PDE4B: variants seen among roughly 807,000 people sequenced by gnomAD.
PDE4B encodes phosphodiesterase 4B, also known as 3',5'-cyclic-AMP phosphodiesterase 4B.
In PDE4B, 20 loss-of-function variants were observed where a neutral mutation model predicts 82.2. That is an observed-to-expected ratio of 0.24 (90% CI 0.17 to 0.35). PDE4B has a LOEUF of 0.35. Among genes scored for constraint, PDE4B ranks in the 10% least tolerant of loss-of-function variants. PDE4B has a pLI of 1.00. For synonymous variants in PDE4B, 320 were observed against 318.9 expected, an observed-to-expected ratio of 1.00 and a Z score of -0.04; for missense variants, 655 against 907.2, an observed-to-expected ratio of 0.72 and a Z score of 3.57.
At chr1:65,944,858 C>T (rs11208775) in intron 3 of PDE4B, among the ~76,000 whole-genome samples, 61,677 of 151,718 alleles carry the variant, frequency 0.41, 14,606 homozygotes, top group Non-Finnish European at 0.54. Context: ...GCATTCCTAC[C>T]AGAGAACATG....
rs893456592 is a variant in PDE4B at position 66,102,309 on chromosome 1, G to A, written c.282-145151G>A. Among the ~76,000 whole-genome samples the A allele has an allele frequency of 5.3e-5, 8 of 151,980 alleles. No individual in the cohort carries two copies. In the East Asian group the frequency reaches 5.8e-4, roughly 11 times the overall value. On this transcript the variant is annotated intron_variant, in intron 3 of 16. Coordinates refer to ENST00000341517, the MANE Select transcript of PDE4B (RefSeq NM_002600.4). ...TATGGAATTTCATCATCGTGTTTTC[G>A]GGGAGAATGGATGTGTATACCTAAA...
intron 1 of PDE4B, among the ~76,000 whole-genome samples, chr1:65,903,662 T>TA (rs1180848601): frequency 1.3e-5 from 2 of 152,204 alleles, no homozygotes; most frequent in Non-Finnish European, 2.9e-5. Context: ...TAAAGACCAA[T>TA]AAAAATGTAT....
intron 3 of PDE4B, among the ~76,000 whole-genome samples, chr1:66,243,080 G>A (rs1284273659): frequency 6.6e-6 from 1 of 152,226 alleles, no homozygotes; most frequent in Non-Finnish European, 1.5e-5. Context: ...AAACAGCTAA[G>A]CCAGTGATAT....
intron 3 of PDE4B, among the ~76,000 whole-genome samples, chr1:66,225,935 T>A (rs1651416895): frequency 6.6e-6 from 1 of 152,260 alleles, no homozygotes. Context: ...TTTCTTCTGT[T>A]GGTGCAAACA....
chr1:66,281,297 G>T (rs1656283648), intron 7 of PDE4B, among the ~76,000 whole-genome samples: 1 of 152,186 alleles, frequency 6.6e-6, no homozygotes. Flanking sequence ...CTTTAACAGG[G>T]AACAGTTTTT....
intron 13 of PDE4B, among the ~76,000 whole-genome samples, chr1:66,366,623 A>C (rs920941807): frequency 1.3e-5 from 2 of 152,204 alleles, no homozygotes; most frequent in African/African-American, 4.8e-5. Context: ...TTTGGAGTAC[A>C]CTGGGTCCTT....
intron 3 of PDE4B, among the ~76,000 whole-genome samples, chr1:66,106,301 G>A (rs571778898): frequency 6.6e-6 from 1 of 151,172 alleles, no homozygotes; most frequent in East Asian, 1.9e-4. Context: ...CTTGATCATG[G>A]TGGATAAGCT....
intron 3 of PDE4B, among the ~76,000 whole-genome samples, chr1:66,234,267 A>G: frequency 6.6e-6 from 1 of 152,282 alleles, no homozygotes; most frequent in South Asian, 2.1e-4. Context: ...ACTTCATTGA[A>G]GTTGTCAAAT....
intron 3 of PDE4B, among the ~76,000 whole-genome samples, chr1:66,115,574 C>T (rs1040355513): frequency 1.3e-5 from 2 of 152,186 alleles, no homozygotes; most frequent in Non-Finnish European, 1.5e-5. Context: ...ATATGTTAAT[C>T]AAACATGAAA....
chr1:66,081,219 A>G (rs923126036), intron 3 of PDE4B, among the ~76,000 whole-genome samples: 1 of 152,132 alleles, frequency 6.6e-6, no homozygotes, highest in East Asian at 1.9e-4. Flanking sequence ...GAGATAAGGC[A>G]TCTAACATTG....
At chr1:66,363,082 C>A (rs1662933442) in intron 10 of PDE4B, 86 bp from the exon 11 acceptor site, 3 of 868,512 alleles carry the variant, frequency 3.5e-6, no homozygotes, top group South Asian at 3.1e-5. Flanking sequence ...ACTTAAACAG[C>A]CAATGTCCAA....
chr1:66,106,057 T>C (rs1366220806), intron 3 of PDE4B, among the ~76,000 whole-genome samples: 1 of 151,886 alleles, frequency 6.6e-6, no homozygotes, highest in Non-Finnish European at 1.5e-5. Context: ...GCCCATTCAG[T>C]ATGATATTGG....
intron 3 of PDE4B, among the ~76,000 whole-genome samples, chr1:65,933,370 C>T (rs1433642232): frequency 6.6e-6 from 1 of 151,588 alleles, no homozygotes; most frequent in Non-Finnish European, 1.5e-5. Context: ...CAAAATTCTC[C>T]TTCAAAAATA....
chr1:66,046,041 G>A (rs1016430556), intron 3 of PDE4B, among the ~76,000 whole-genome samples: 2 of 151,832 alleles, frequency 1.3e-5, no homozygotes, highest in African/African-American at 4.8e-5. Flanking sequence ...TGTAGCAACA[G>A]TGCAGAAGAG....
At chr1:65,884,551 T>C (rs1646749789) in intron 1 of PDE4B, among the ~76,000 whole-genome samples, 1 of 152,012 alleles carries the variant, frequency 6.6e-6, no homozygotes, top group Non-Finnish European at 1.5e-5. Context: ...TCAGAAATAA[T>C]ACCACACATC....
At chr1:65,956,016 G>T (rs1434498316) in intron 3 of PDE4B, among the ~76,000 whole-genome samples, 1 of 152,052 alleles carries the variant, frequency 6.6e-6, no homozygotes, top group Non-Finnish European at 1.5e-5. Flanking sequence ...TCATCTTTAG[G>T]TCCCAGATTG....
chr1:66,225,347 T>G (rs1651363879), intron 3 of PDE4B, among the ~76,000 whole-genome samples: 1 of 152,242 alleles, frequency 6.6e-6, no homozygotes, highest in Non-Finnish European at 1.5e-5. Flanking sequence ...TTGCCAAAAC[T>G]CATGGCACAA....
intron 1 of PDE4B, among the ~76,000 whole-genome samples, chr1:65,850,000 A>G (rs1408566563): frequency 6.6e-6 from 1 of 151,932 alleles, no homozygotes; most frequent in Non-Finnish European, 1.5e-5. Context: ...TCTATAAGCA[A>G]TTGCCAAACT....
chr1:66,266,194 C>A, intron 7 of PDE4B, 107 bp downstream of exon 7: 1 of 888,348 alleles, frequency 1.1e-6, no homozygotes, highest in Non-Finnish European at 1.9e-6. Context: ...CATATTGTGG[C>A]TCTCAAAAGT....
Sources: allele counts gnomAD v4.1 joint callset (sites outside exome capture counted in the v4.1 genomes callset), GRCh38; gene constraint gnomAD v4.1.1; transcripts MANE v1.5; gene names NCBI Gene and HGNC (gene_info 2026-07-23, HGNC 2026-07-21).